Variants in PBX1 observed in about 807,000 individuals in gnomAD.
PBX1 encodes the protein PBX homeobox 1.
Under a neutral mutation model 53.4 loss-of-function variants are expected in PBX1, and 6 were observed. The observed-to-expected ratio is 0.11, with a 90% CI of 0.06 to 0.22. The LOEUF is 0.22. PBX1 is among the 10% of genes least tolerant of loss of function. The pLI is 1.00. For missense variants in PBX1, 251 were observed against 551.4 expected (o/e 0.46, Z 5.46); for synonymous variants, 204 against 212.3 (o/e 0.96, Z 0.34).
At position 164,559,855 on chromosome 1, in the gene PBX1, T is replaced by G; in HGVS notation, c.33T>G (p.His11Gln). The change falls in exon 1 of 9, where the codon CAT (histidine) becomes CAG (glutamine). Residue 11 changes from histidine (H) to glutamine (Q), a missense_variant. Coordinates refer to ENST00000420696, the MANE Select transcript of PBX1 (RefSeq NM_002585.4). ...AGCAGCCCAGGCTGATGCATTCCCA[T>G]GCTGGGGTCGGGATGGCCGGACACC... is the stretch of plus-strand genomic sequence containing the variant. Reference protein sequence around the residue: MDEQPRLMHSHAGVGMAGHPG... With the variant: MDEQPRLMHSQAGVGMAGHPG... 6.5e-7 allele frequency: 1 copy of G among 1,550,054 alleles called. No individual in the cohort carries two copies. Among genetic ancestry groups the G allele is most frequent in the Non-Finnish European group, 8.7e-7 (1 of 1,146,688 alleles).
intron 2 of PBX1, among the ~76,000 whole-genome samples, chr1:164,592,074 A>C (rs1655423825): frequency 6.8e-6 from 1 of 146,494 alleles, no homozygotes; most frequent in African/African-American, 2.5e-5. Flanking sequence ...TGAGTAGTTA[A>C]TGTGGCTGGG....
chr1:164,699,246 C>T (rs1160582773), intron 2 of PBX1, among the ~76,000 whole-genome samples: 1 of 152,148 alleles, frequency 6.6e-6, no homozygotes, highest in East Asian at 1.9e-4. Context: ...GGAAATATAA[C>T]ATGTTTTAGA....
At chr1:164,841,081 A>G (rs1359365828) in intron 8 of PBX1, among the ~76,000 whole-genome samples, 2 of 152,182 alleles carry the variant, frequency 1.3e-5, no homozygotes, top group African/African-American at 4.8e-5. Flanking sequence ...GGGTAGGTGA[A>G]ACCGACGTGT....
chr1:164,706,126 G>A (rs1162967744), intron 2 of PBX1, among the ~76,000 whole-genome samples: 1 of 152,088 alleles, frequency 6.6e-6, no homozygotes, highest in Non-Finnish European at 1.5e-5. Context: ...TTATTCAGTG[G>A]AACTACCATT....
At chr1:164,629,789 A>G (rs1226493868) in intron 2 of PBX1, among the ~76,000 whole-genome samples, 5 of 152,186 alleles carry the variant, frequency 3.3e-5, no homozygotes, top group Non-Finnish European at 7.3e-5. Flanking sequence ...GTGAGGCTGT[A>G]CCTCCAAATT....
At chr1:164,805,913 C>G (rs185002692) in intron 4 of PBX1, among the ~76,000 whole-genome samples, 119 of 152,226 alleles carry the variant, frequency 7.8e-4, no homozygotes, top group African/African-American at 2.8e-3. Flanking sequence ...TGGTGTTCTT[C>G]CGGTAAAATC....
chr1:164,726,475 A>G (rs1310785825), intron 2 of PBX1, among the ~76,000 whole-genome samples: 1 of 152,236 alleles, frequency 6.6e-6, no homozygotes, highest in Non-Finnish European at 1.5e-5. Flanking sequence ...TCAGCCATAA[A>G]TATGGCTGGA....
chr1:164,698,994 A>C (rs1371296267), intron 2 of PBX1, among the ~76,000 whole-genome samples: 1 of 152,194 alleles, frequency 6.6e-6, no homozygotes, highest in Non-Finnish European at 1.5e-5. Context: ...ATAGCACTAC[A>C]ACCTCAGAAG....
At chr1:164,586,864 G>A (rs1173399805) in intron 2 of PBX1, among the ~76,000 whole-genome samples, 1 of 152,084 alleles carries the variant, frequency 6.6e-6, no homozygotes, top group Non-Finnish European at 1.5e-5. Flanking sequence ...ATGGTGAGTC[G>A]AGACCATTAT....
chr1:164,615,874 G>A (rs1478521871), intron 2 of PBX1, among the ~76,000 whole-genome samples: 6 of 152,118 alleles, frequency 3.9e-5, no homozygotes, highest in Admixed American at 1.3e-4. Flanking sequence ...AAACCCTCTC[G>A]ACTTTGGGAT....
At chr1:164,827,077 A>C (rs1275034898) in intron 8 of PBX1, among the ~76,000 whole-genome samples, 1 of 152,248 alleles carries the variant, frequency 6.6e-6, no homozygotes, top group Admixed American at 6.5e-5. Flanking sequence ...CCTCCTATTT[A>C]AATGAACATA....
chr1:164,585,641 C>T (rs1654906117), intron 2 of PBX1, among the ~76,000 whole-genome samples: 1 of 152,202 alleles, frequency 6.6e-6, no homozygotes, highest in Admixed American at 6.5e-5. Flanking sequence ...GTTCCTTTCT[C>T]TGATTCTTTT....
chr1:164,573,123 G>A (rs1653987700), intron 2 of PBX1, among the ~76,000 whole-genome samples: 1 of 151,900 alleles, frequency 6.6e-6, no homozygotes, highest in African/African-American at 2.4e-5. Context: ...TTTTTAAAAA[G>A]TAAGAAGAAG....
Position 164,560,032 on chromosome 1 carries a change from TTTTCC to T in PBX1, c.191+24_191+28del, listed in dbSNP as rs1212875522. 11 of 1,339,292 alleles carry T rather than the reference TTTTCC, an allele frequency of 8.2e-6. No homozygotes were observed. In the African/African-American group the frequency reaches 1.5e-4, roughly 19 times the overall value. The allele number at this position is 1,339,292 out of a possible 1,614,324, so 83.0% of individuals were successfully genotyped here. ...AGGCCAGGTGAGATGGAGGCTTTTCTTTTCCTTTCTTGGGGTTTTTTGTTTTTCTT... is the reference window on the plus strand; with the variant it reads ...AGGCCAGGTGAGATGGAGGCTTTTCTTTTCTTGGGGTTTTTTGTTTTTCTT... On this transcript the variant is annotated intron_variant, in intron 1 of 8. Transcript: ENST00000420696.
chr1:164,738,161 C>G (rs1665402240), intron 2 of PBX1, among the ~76,000 whole-genome samples: 2 of 152,114 alleles, frequency 1.3e-5, no homozygotes, highest in South Asian at 4.1e-4. Context: ...CATTGATGAA[C>G]ATTTGGATCA....
chr1:164,570,680 G>T (rs1042919601), intron 2 of PBX1, among the ~76,000 whole-genome samples: 1 of 152,178 alleles, frequency 6.6e-6, no homozygotes, highest in African/African-American at 2.4e-5. Context: ...GTGTGCATGT[G>T]TCTTTATAGT....
At chr1:164,640,653 G>A (rs1571128831) in intron 2 of PBX1, among the ~76,000 whole-genome samples, 1 of 150,300 alleles carries the variant, frequency 6.7e-6, no homozygotes, top group Non-Finnish European at 1.5e-5. Flanking sequence ...GCCTCCCAGG[G>A]TCAAACAATT....
At chr1:164,647,093 G>A (rs1004553382) in intron 2 of PBX1, among the ~76,000 whole-genome samples, 2 of 152,242 alleles carry the variant, frequency 1.3e-5, no homozygotes, top group East Asian at 1.9e-4. Flanking sequence ...GCTTGGGTTT[G>A]TGGGAAAGAG....
At chr1:164,877,088 GT>G (rs370503057) in intron 2 of PBX1, among the ~76,000 whole-genome samples, 2,259 of 146,768 alleles carry the variant, frequency 0.015, 30 homozygotes, top group Middle Eastern at 0.067. Flanking sequence ...TGTGAAGTAA[GT>G]TTTTTTTTTT....
Sources: gnomAD v4.1 joint callset for allele counts (sites outside exome capture counted in the v4.1 genomes callset) on GRCh38, gnomAD v4.1.1 for gene constraint, MANE v1.5 for transcripts, NCBI Gene and HGNC (gene_info 2026-07-23, HGNC 2026-07-21) for gene names.